Variants in RTN4RL1 observed in about 807,000 individuals in gnomAD.
RTN4RL1 encodes the protein reticulon-4 receptor-like 1.
RTN4RL1 carries 7 observed loss-of-function variants against 25.6 expected under a neutral mutation model. The observed-to-expected ratio is 0.27, with a 90% CI of 0.16 to 0.51. The LOEUF (loss-of-function observed/expected upper bound fraction) is 0.51. Among genes scored for constraint, RTN4RL1 ranks in the 20% least tolerant of loss-of-function variants. The probability of loss-of-function intolerance (pLI) is 0.97; values close to 1 mark genes in which losing one functional copy is unlikely to be tolerated. For synonymous variants in RTN4RL1, 297 were observed against 288.2 expected (o/e 1.03, Z -0.31); for missense variants, 500 against 615.6 (o/e 0.81, Z 1.99).
Position 1,935,917 on chromosome 17 carries a change from T to TA in RTN4RL1, c.*578_*579insT. 1.5e-5 allele frequency: 15 copies of TA among 985,650 alleles called. No individual in the cohort carries two copies. Among genetic ancestry groups the TA allele is most frequent in the Non-Finnish European group, 1.8e-5 (15 of 829,942 alleles). 61.1% of individuals were successfully genotyped at this position (985,650 alleles called of 1,614,324 possible). Reference sequence around the variant, plus strand: ...CAGTTGGACCTGGGTCTGCCAGGGTTGCCTGAGACATCAGGAATGAGAGGC... The same window carrying TA: ...CAGTTGGACCTGGGTCTGCCAGGGTTAGCCTGAGACATCAGGAATGAGAGGC... On this transcript the variant is annotated 3_prime_UTR_variant, in exon 2 of 2. Transcript: ENST00000331238.
chr17:1,995,797 C>G (rs1196772612), intron 1 of RTN4RL1: 1 of 152,264 alleles, frequency 6.6e-6, no homozygotes, highest in East Asian at 1.9e-4. Context: ...GCCTATGTGC[C>G]GAGCAACCCA....
chr17:2,015,085 G>A (rs1393609929), intron 1 of RTN4RL1, among the ~76,000 whole-genome samples: 2 of 152,194 alleles, frequency 1.3e-5, no homozygotes, highest in East Asian at 1.9e-4. Flanking sequence ...AAGACAGGAG[G>A]CTGCTGGGAG....
At chr17:1,947,140 T>C (rs1227464200) in intron 1 of RTN4RL1, among the ~76,000 whole-genome samples, 1 of 151,046 alleles carries the variant, frequency 6.6e-6, no homozygotes, top group Non-Finnish European at 1.5e-5. Flanking sequence ...CTATGTTGAA[T>C]GTGTGTCTGT....
At chr17:1,975,566 G>A (rs1461618803) in intron 1 of RTN4RL1, among the ~76,000 whole-genome samples, 4 of 152,112 alleles carry the variant, frequency 2.6e-5, no homozygotes, top group African/African-American at 4.8e-5. Flanking sequence ...CAGGAGAATC[G>A]CTTGAACCCG....
At chr17:2,002,234 T>G (rs1303876688) in intron 1 of RTN4RL1, among the ~76,000 whole-genome samples, 1 of 151,682 alleles carries the variant, frequency 6.6e-6, no homozygotes, top group Non-Finnish European at 1.5e-5. Flanking sequence ...CTTTCTTCCT[T>G]CCTTCCCTCC....
In RTN4RL1 at chr17:1,937,116, G is replaced by T; in HGVS notation, c.706C>A (p.Leu236Met). Reference sequence around the variant, plus strand: ...AGCGGGGCCAGGCACTCACCCTGCAGCTCCGAGAGGCTGTTGTTGAAGAGG... The same window carrying T: ...AGCGGGGCCAGGCACTCACCCTGCATCTCCGAGAGGCTGTTGTTGAAGAGG... ...LFLFNNSLSELQGECLAPLGA... is the reference protein window; with the variant it reads ...LFLFNNSLSEMQGECLAPLGA... Residue 236 changes from leucine (L) to methionine (M), a missense_variant, in exon 2 of 2, where the codon CTG (leucine) becomes ATG (methionine). Physicochemically the swap from Leu to Met is conservative, Grantham distance 15. Around this residue, in one of 2 missense-constraint regions of RTN4RL1, gnomAD observed 232 missense variants for 341.1 expected, o/e 0.68. Coordinates refer to ENST00000331238, the MANE Select transcript of RTN4RL1 (RefSeq NM_178568.4). 6.2e-7 allele frequency: 1 copy of T among 1,609,364 alleles called. No individual in the cohort carries two copies.
intron 1 of RTN4RL1, among the ~76,000 whole-genome samples, chr17:1,947,113 A>C (rs911049035): frequency 6.9e-6 from 1 of 144,700 alleles, no homozygotes; most frequent in Non-Finnish European, 1.5e-5. Context: ...GTGTGTGCGC[A>C]CGGGGTCTGT....
At chr17:2,008,702 A>G (rs2067019997) in intron 1 of RTN4RL1, among the ~76,000 whole-genome samples, 1 of 152,076 alleles carries the variant, frequency 6.6e-6, no homozygotes, top group Non-Finnish European at 1.5e-5. Context: ...CTGATCTGCC[A>G]CCGATCCGTG....
intron 1 of RTN4RL1, among the ~76,000 whole-genome samples, chr17:1,981,217 CA>C (rs2066865957): frequency 6.6e-6 from 1 of 151,594 alleles, no homozygotes. Context: ...TCCGTCCCTA[CA>C]AAAAAATTTA....
intron 1 of RTN4RL1, among the ~76,000 whole-genome samples, chr17:1,953,129 G>A (rs937855756): frequency 2.6e-5 from 4 of 151,340 alleles, no homozygotes; most frequent in East Asian, 1.9e-4. Context: ...AAATTAAGGC[G>A]AGACATGGTA....
At chr17:1,984,079 C>T (rs1321780954) in intron 1 of RTN4RL1, among the ~76,000 whole-genome samples, 1 of 152,238 alleles carries the variant, frequency 6.6e-6, no homozygotes, top group African/African-American at 2.4e-5. Context: ...GCGGGCAGCA[C>T]CTTCCCTTCC....
intron 1 of RTN4RL1, among the ~76,000 whole-genome samples, chr17:1,973,199 C>T (rs2066828056): frequency 6.6e-6 from 1 of 151,724 alleles, no homozygotes; most frequent in African/African-American, 2.4e-5. Context: ...CCCGTCTCTA[C>T]TAAAAATACA....
At chr17:1,993,659 C>G (rs1463125884) in intron 1 of RTN4RL1, among the ~76,000 whole-genome samples, 1 of 152,116 alleles carries the variant, frequency 6.6e-6, no homozygotes, top group Non-Finnish European at 1.5e-5. Context: ...ACCCTTCCAT[C>G]AGAGTGGTCA....
chr17:1,947,121 T>C (rs1915573351), intron 1 of RTN4RL1, among the ~76,000 whole-genome samples: 1 of 150,006 alleles, frequency 6.7e-6, no homozygotes, highest in Admixed American at 6.6e-5. Context: ...GCACGGGGTC[T>C]GTGTGTGTCT....
chr17:1,975,547 A>T (rs2066839327), intron 1 of RTN4RL1, among the ~76,000 whole-genome samples: 1 of 152,140 alleles, frequency 6.6e-6, no homozygotes, highest in Admixed American at 6.6e-5. Flanking sequence ...GCTACTCGGG[A>T]GGCTGAGGCA....
intron 1 of RTN4RL1, among the ~76,000 whole-genome samples, chr17:1,989,760 G>C (rs906515042): frequency 6.6e-6 from 1 of 151,974 alleles, no homozygotes; most frequent in Non-Finnish European, 1.5e-5. Flanking sequence ...TTTTAGTAGA[G>C]AGGGGGTTTC....
intron 1 of RTN4RL1, among the ~76,000 whole-genome samples, chr17:1,981,510 G>A (rs1258698711): frequency 1.3e-5 from 2 of 152,172 alleles, no homozygotes; most frequent in Admixed American, 1.3e-4. Context: ...CTTTTGCCCT[G>A]CGGCTGCCTC....
rs535665027 is a variant in RTN4RL1 at position 1,994,316 on chromosome 17, T to C, written c.13+30537A>G. On this transcript the variant is annotated intron_variant, in intron 1 of 1. Coordinates refer to ENST00000331238, the MANE Select transcript of RTN4RL1 (RefSeq NM_178568.4). This position sits in a 1 kb window ranked among gnomAD's most constrained non-coding sequence, Gnocchi z 4.3. ...CAGGGACAGGGGGCCAGCAACTAGA[T>C]GCCTTGGGGGCACAGCCATGTCTCC... 1.3e-5 allele frequency among the ~76,000 whole-genome samples: 2 copies of C among 151,546 alleles called. No homozygotes were observed. The highest frequency in any genetic ancestry group is 4.2e-4 in the South Asian group (2 of 4,796).
intron 1 of RTN4RL1, among the ~76,000 whole-genome samples, chr17:2,020,883 A>T (rs1172981106): frequency 6.6e-6 from 1 of 152,232 alleles, no homozygotes; most frequent in Non-Finnish European, 1.5e-5. Context: ...CCCGACCTTA[A>T]GTAGAGGCCA....
Sources: allele counts gnomAD v4.1 joint callset (sites outside exome capture counted in the v4.1 genomes callset), GRCh38; gene constraint gnomAD v4.1.1; regional missense constraint gnomAD v4.1.1; non-coding constraint Gnocchi (gnomAD v3.1); transcripts MANE v1.5; gene names NCBI Gene and HGNC (gene_info 2026-07-23, HGNC 2026-07-21).